Variants in TNFSF4 observed in about 807,000 individuals in gnomAD.
TNFSF4 encodes the protein tumor necrosis factor ligand superfamily member 4.
Under a neutral mutation model 7.3 loss-of-function variants are expected in TNFSF4, and 4 were observed. That is an observed-to-expected ratio of 0.55 (90% CI 0.27 to 1.25). The LOEUF is 1.25. TNFSF4 is among the 50% of genes most tolerant of loss of function. The pLI is 0.12. For missense variants in TNFSF4, 181 were observed against 208.8 expected (o/e 0.87, Z 0.82); for synonymous variants, 76 against 83.7 (o/e 0.91, Z 0.50).
chr1:173,270,251 G>T, the TNFSF4 span, among the ~76,000 whole-genome samples: 1 of 152,134 alleles, frequency 6.6e-6, no homozygotes, highest in African/African-American at 2.4e-5. Flanking sequence ...TCAAAGTAAA[G>T]ATGAGTAGCA....
chr1:173,412,290 A>G, the TNFSF4 span, among the ~76,000 whole-genome samples: 1 of 152,152 alleles, frequency 6.6e-6, no homozygotes, highest in South Asian at 2.1e-4. Context: ...CAGCCCTACA[A>G]GTCTATCTGC....
intron 1 of TNFSF4, among the ~76,000 whole-genome samples, chr1:173,195,048 T>G (rs1012122717): frequency 6.6e-6 from 1 of 152,162 alleles, no homozygotes; most frequent in Non-Finnish European, 1.5e-5. Flanking sequence ...AAATTAGTGC[T>G]GCTAAGAACT....
the TNFSF4 span, among the ~76,000 whole-genome samples, chr1:173,448,693 C>A: frequency 6.6e-6 from 1 of 152,140 alleles, no homozygotes; most frequent in East Asian, 1.9e-4. Flanking sequence ...AATGTCATCA[C>A]TTAAGGCAAG....
chr1:173,362,826 A>G, the TNFSF4 span: 1 of 436,278 alleles, frequency 2.3e-6, no homozygotes. Flanking sequence ...GATGCAATGC[A>G]AGACAAGCTG....
the TNFSF4 span, among the ~76,000 whole-genome samples, chr1:173,397,042 C>T: frequency 6.6e-6 from 1 of 152,202 alleles, no homozygotes; most frequent in Admixed American, 6.5e-5. Flanking sequence ...TGGTTACCAT[C>T]ATGGACAGCA....
Position 173,185,019 on chromosome 1 carries a change from G to GAA in TNFSF4, c.*1495_*1496dup. ...GTACTTAAGAGGAAATAGAAAACAG[G>GAA]AAAAAAAAATCCAACTGAGACCATT... On this transcript the variant is annotated 3_prime_UTR_variant, in exon 3 of 3. Coordinates refer to ENST00000281834, the MANE Select transcript of TNFSF4 (RefSeq NM_003326.5). 6.6e-6 allele frequency: 1 copy of GAA among 151,188 alleles called. No individual in the cohort carries two copies. Among genetic ancestry groups the GAA allele is most frequent in the African/African-American group, 2.4e-5 (1 of 41,232 alleles). The allele number at this position is 151,188 out of a possible 1,614,324, so 9.4% of individuals were successfully genotyped here.
the TNFSF4 span, among the ~76,000 whole-genome samples, chr1:173,258,896 T>C: frequency 3.3e-5 from 5 of 152,156 alleles, no homozygotes; most frequent in Admixed American, 2.0e-4. Context: ...AGCCATGGTC[T>C]CTGTGGTTCA....
the TNFSF4 span, among the ~76,000 whole-genome samples, chr1:173,289,815 C>CCT: frequency 6.6e-6 from 1 of 151,776 alleles, no homozygotes; most frequent in African/African-American, 2.4e-5. Context: ...TTAAGATATG[C>CCT]AATAGAAACC....
the TNFSF4 span, among the ~76,000 whole-genome samples, chr1:173,241,724 A>G: frequency 1.3e-5 from 2 of 152,246 alleles, no homozygotes; most frequent in Non-Finnish European, 2.9e-5. Context: ...GTGAGCCAGC[A>G]GAGGCTATGG....
At chr1:173,375,964 G>A in the TNFSF4 span, among the ~76,000 whole-genome samples, 3 of 152,050 alleles carry the variant, frequency 2.0e-5, no homozygotes, top group East Asian at 1.9e-4. Context: ...TGGCAGGAAC[G>A]AACTCCAGAC....
chr1:173,438,143 A>G, the TNFSF4 span, among the ~76,000 whole-genome samples: 1 of 152,194 alleles, frequency 6.6e-6, no homozygotes, highest in East Asian at 1.9e-4. Context: ...AACCCTGACT[A>G]AATTAGAGAG....
At chr1:173,444,269 A>AAC in the TNFSF4 span, among the ~76,000 whole-genome samples, 3 of 152,092 alleles carry the variant, frequency 2.0e-5, no homozygotes, top group Non-Finnish European at 2.9e-5. Flanking sequence ...GCAGCCTGCA[A>AAC]ACACACACAC....
upstream of TNFSF4, among the ~76,000 whole-genome samples, chr1:173,210,903 T>C (rs1650354362): frequency 6.6e-6 from 1 of 152,112 alleles, no homozygotes; most frequent in South Asian, 2.1e-4. Flanking sequence ...GGAAGGGATA[T>C]GTTTATCATC....
At chr1:173,326,731 A>T in the TNFSF4 span, among the ~76,000 whole-genome samples, 1 of 152,162 alleles carries the variant, frequency 6.6e-6, no homozygotes, top group Admixed American at 6.5e-5. Context: ...TAACAGACAA[A>T]CAGAGAGCCA....
the TNFSF4 span, among the ~76,000 whole-genome samples, chr1:173,438,878 T>C: frequency 6.6e-6 from 1 of 152,216 alleles, no homozygotes; most frequent in Non-Finnish European, 1.5e-5. Context: ...ACAACTTTCA[T>C]TTAGCATGTA....
chr1:173,406,971 T>C, the TNFSF4 span, among the ~76,000 whole-genome samples: 39 of 151,856 alleles, frequency 2.6e-4, no homozygotes, highest in African/African-American at 7.2e-4. Context: ...GGGAATCTAG[T>C]TGGGGGGATG....
chr1:173,303,443 CT>C, the TNFSF4 span, among the ~76,000 whole-genome samples: 1 of 151,866 alleles, frequency 6.6e-6, no homozygotes, highest in Non-Finnish European at 1.5e-5. Context: ...CCTGTCTGCT[CT>C]TTCTGGCTGC....
the TNFSF4 span, among the ~76,000 whole-genome samples, chr1:173,443,511 T>C: frequency 1.3e-5 from 2 of 152,040 alleles, no homozygotes; most frequent in Non-Finnish European, 2.9e-5. Context: ...AGGGAAGAAA[T>C]ATTATACAAT....
the TNFSF4 span, among the ~76,000 whole-genome samples, chr1:173,228,936 G>C: frequency 6.6e-6 from 1 of 152,204 alleles, no homozygotes; most frequent in Non-Finnish European, 1.5e-5. Flanking sequence ...TATGTGAAGA[G>C]ACCAAATCTA....
Sources: gnomAD v4.1 joint callset for allele counts (sites outside exome capture counted in the v4.1 genomes callset) on GRCh38, gnomAD v4.1.1 for gene constraint, MANE v1.5 for transcripts, NCBI Gene and HGNC (gene_info 2026-07-23, HGNC 2026-07-21) for gene names.